CADM2: variants seen among roughly 807,000 people sequenced by gnomAD.
CADM2 encodes cell adhesion molecule 2, also known as immunoglobulin superfamily member 4D.
CADM2 carries 12 observed loss-of-function variants against 49.8 expected under a neutral mutation model. The observed-to-expected ratio is 0.24, with a 90% CI of 0.15 to 0.39. The LOEUF (loss-of-function observed/expected upper bound fraction) is 0.39. CADM2 is among the 10% of genes least tolerant of loss of function. The pLI is 1.00. For synonymous variants in CADM2, 214 were observed against 175.4 expected (o/e 1.22, Z -1.74); for missense variants, 378 against 492.3 (o/e 0.77, Z 2.20).
intron 1 of CADM2, among the ~76,000 whole-genome samples, chr3:85,002,395 T>C (rs1345338850): frequency 1.3e-5 from 2 of 152,098 alleles, no homozygotes; most frequent in Non-Finnish European, 2.9e-5. Flanking sequence ...TCTACATCCT[T>C]AGTTTTGTTA....
chr3:85,024,666 C>T (rs1576058655), intron 1 of CADM2, among the ~76,000 whole-genome samples: 1 of 146,804 alleles, frequency 6.8e-6, no homozygotes, highest in African/African-American at 2.5e-5. Context: ...TATAGTTTTT[C>T]TTTTTTTTTT....
At chr3:86,011,584 A>C (rs1331591069) in intron 8 of CADM2, among the ~76,000 whole-genome samples, 5 of 152,054 alleles carry the variant, frequency 3.3e-5, no homozygotes, top group African/African-American at 1.2e-4. Flanking sequence ...GAGATGGAGA[A>C]GAAGAGAAGG....
At chr3:85,864,561 T>C (rs2075654905) in intron 3 of CADM2, among the ~76,000 whole-genome samples, 1 of 152,208 alleles carries the variant, frequency 6.6e-6, no homozygotes. Context: ...TTGTCCTATT[T>C]GTAACATATC....
chr3:85,830,826 T>C (rs2074149886), intron 3 of CADM2, among the ~76,000 whole-genome samples: 1 of 147,680 alleles, frequency 6.8e-6, no homozygotes, highest in Non-Finnish European at 1.5e-5. Flanking sequence ...TATTTATTTA[T>C]TTATTTATTT....
chr3:85,741,968 C>T (rs2068410774), intron 2 of CADM2, among the ~76,000 whole-genome samples: 1 of 152,224 alleles, frequency 6.6e-6, no homozygotes, highest in East Asian at 1.9e-4. Flanking sequence ...TTCTTTAGAA[C>T]TTCTAGACGG....
At chr3:85,772,817 C>T (rs1210774064) in intron 2 of CADM2, among the ~76,000 whole-genome samples, 22 of 151,292 alleles carry the variant, frequency 1.5e-4, no homozygotes, top group African/African-American at 4.1e-4. Flanking sequence ...TTTTCCCTCA[C>T]AGCTGCTGAG....
intron 1 of CADM2, among the ~76,000 whole-genome samples, chr3:85,130,714 T>C (rs1435597650): frequency 6.6e-6 from 1 of 152,232 alleles, no homozygotes; most frequent in Admixed American, 6.5e-5. Flanking sequence ...ATTGATTTTG[T>C]AAGTAGACTT....
intron 1 of CADM2, among the ~76,000 whole-genome samples, chr3:85,113,685 C>T (rs1433856517): frequency 5.2e-5 from 7 of 135,306 alleles, no homozygotes; most frequent in African/African-American, 1.5e-4. Context: ...TTTATTCATT[C>T]GTTTTTTTTT....
At chr3:85,631,937 T>A (rs2064321321) in intron 1 of CADM2, among the ~76,000 whole-genome samples, 1 of 152,180 alleles carries the variant, frequency 6.6e-6, no homozygotes, top group African/African-American at 2.4e-5. Flanking sequence ...CCAACAAATT[T>A]ACTGGAGCTT....
At chr3:85,314,980 A>C (rs1467193927) in intron 1 of CADM2, among the ~76,000 whole-genome samples, 3 of 152,192 alleles carry the variant, frequency 2.0e-5, no homozygotes, top group African/African-American at 7.2e-5. Context: ...ATTCTCACAC[A>C]GTTCTGGAGG....
At chr3:85,109,407 T>A (rs1322105421) in intron 1 of CADM2, among the ~76,000 whole-genome samples, 1 of 151,274 alleles carries the variant, frequency 6.6e-6, no homozygotes, top group African/African-American at 2.4e-5. Context: ...GAGAAAGACA[T>A]CATCAGGCAT....
At chr3:85,379,680 C>A (rs976256735) in intron 1 of CADM2, among the ~76,000 whole-genome samples, 1 of 151,918 alleles carries the variant, frequency 6.6e-6, no homozygotes, top group African/African-American at 2.4e-5. Context: ...AATATTGTAC[C>A]CTTCAAAGGG....
chr3:85,653,709 G>A (rs1327427622), intron 1 of CADM2, among the ~76,000 whole-genome samples: 7 of 152,094 alleles, frequency 4.6e-5, no homozygotes. Context: ...AATATAAATG[G>A]AGTTTAAACT....
rs1401326638 is a variant in CADM2 at position 85,709,314 on chromosome 3, A to C, written c.62-17208A>C. ...TTTTTAACAATTTATCTTGGCATTT[A>C]AGCAGGCTAAACTGCTATCTATCTT... is the stretch of plus-strand genomic sequence containing the variant. On this transcript the variant is annotated intron_variant, in intron 1 of 9. Coordinates refer to ENST00000383699, the MANE Select transcript of CADM2 (RefSeq NM_001167675.2). Among the ~76,000 whole-genome samples, 3 of 152,308 alleles carry C rather than the reference A, an allele frequency of 2.0e-5. No individual in the cohort carries two copies. The South Asian group carries it at 6.2e-4, about 32-fold the overall frequency.
At chr3:85,257,791 T>G (rs2042922772) in intron 1 of CADM2, among the ~76,000 whole-genome samples, 1 of 152,090 alleles carries the variant, frequency 6.6e-6, no homozygotes, top group South Asian at 2.1e-4. Context: ...TAACTCTTTT[T>G]TATTTCCAAG....
At chr3:85,082,423 G>A (rs2037200737) in intron 1 of CADM2, among the ~76,000 whole-genome samples, 1 of 152,128 alleles carries the variant, frequency 6.6e-6, no homozygotes, top group Non-Finnish European at 1.5e-5. Flanking sequence ...TGGACATAAT[G>A]CGACTCTTTA....
At chr3:85,709,242 C>T (rs1053869205) in intron 1 of CADM2, among the ~76,000 whole-genome samples, 5 of 152,038 alleles carry the variant, frequency 3.3e-5, no homozygotes, top group Non-Finnish European at 7.4e-5. Context: ...AATGTATTAA[C>T]CTATTTCTAA....
intron 1 of CADM2, among the ~76,000 whole-genome samples, chr3:85,227,079 G>T (rs989704059): frequency 6.6e-6 from 1 of 152,144 alleles, no homozygotes; most frequent in Admixed American, 6.5e-5. Context: ...GCAATGTGGT[G>T]CTAAGAAGAA....
In CADM2 at chr3:85,321,137, T is replaced by A. The variant is rs1211907637; in HGVS notation, c.61+361469T>A. Among the ~76,000 whole-genome samples, 71 of 34,198 alleles carry A rather than the reference T, an allele frequency of 2.1e-3. 2 individuals are homozygous for A. The highest frequency in any genetic ancestry group is 5.6e-3 in the South Asian group (5 of 898). The allele number at this position is 34,198 out of a possible 152,430, so 22.4% of individuals were successfully genotyped here. A position where few individuals can be genotyped will look rare whatever the true frequency, so the allele number is the denominator to read the frequency against. On this transcript the variant is annotated intron_variant, in intron 1 of 9. Transcript: ENST00000383699. ...ATATATTTTTTTTTTTTTTTTTTTT[T>A]TTTTTTTTTTTTTTTTTTTTTTTTT...
Sources: gnomAD v4.1 joint callset for allele counts (sites outside exome capture counted in the v4.1 genomes callset) on GRCh38, gnomAD v4.1.1 for gene constraint, MANE v1.5 for transcripts, NCBI Gene and HGNC (gene_info 2026-07-23, HGNC 2026-07-21) for gene names.